Variants in TRPS1 observed in about 807,000 individuals in gnomAD.
TRPS1 encodes transcriptional repressor GATA binding 1.
Under a neutral mutation model 101.2 loss-of-function variants are expected in TRPS1, and 6 were observed. The ratio of observed to expected loss-of-function variants is 0.06; its 90% CI spans 0.03 to 0.12. TRPS1 has a LOEUF of 0.12. Ranked by LOEUF, TRPS1 falls within the 10% of genes least tolerant of loss-of-function variation. The pLI is 1.00. For missense variants in TRPS1, 1,363 were observed against 1,567.0 expected (o/e 0.87, Z 2.20); for synonymous variants, 578 against 589.8 (o/e 0.98, Z 0.29).
chr8:115,457,516 A>G (rs1814060480), intron 5 of TRPS1, among the ~76,000 whole-genome samples: 4 of 152,158 alleles, frequency 2.6e-5, no homozygotes, highest in Admixed American at 2.6e-4. Flanking sequence ...AGAAGATCAG[A>G]GTTCTGGAGA....
rs142710249 is a variant in TRPS1, at chr8:115,585,624, A to G, written c.2700+1377T>C. On this transcript the variant is annotated intron_variant, in intron 5 of 6. Coordinates refer to ENST00000395715, the MANE Select transcript of TRPS1 (RefSeq NM_014112.5). ...ATGACATGCTGAGAAAACAACAAAT[A>G]TTGACAATGATAAAAATGCAGCTCC... Among the ~76,000 whole-genome samples, 1,293 of 152,292 alleles carry G rather than the reference A, an allele frequency of 8.5e-3. 9 individuals carry two copies. Among genetic ancestry groups the G allele is most frequent in the South Asian group, 0.034 (163 of 4,830 alleles).
chr8:115,566,696 A>C (rs958293251), intron 5 of TRPS1, among the ~76,000 whole-genome samples: 3 of 152,234 alleles, frequency 2.0e-5, no homozygotes, highest in Admixed American at 6.5e-5. Context: ...GGCAACTTCA[A>C]CCTCTATCTG....
chr8:115,615,902 T>C (rs976545598), intron 3 of TRPS1, among the ~76,000 whole-genome samples: 6 of 152,248 alleles, frequency 3.9e-5, no homozygotes, highest in South Asian at 4.1e-4. Context: ...TAACCAATCA[T>C]GCTGCATCTA....
rs1181430603 is a variant in TRPS1 at position 115,604,437 on chromosome 8, G to A, written c.1532C>T (p.Thr511Ile). Reference protein sequence around the residue: ...KSSEGETMTKTDKSSSGAKKK... With the variant: ...KSSEGETMTKIDKSSSGAKKK... ...TTTAGCCCCACTCGAGCTCTTGTCT[G>A]TCTTGGTCATTGTCTCTCCTTCTGA... Residue 511 changes from threonine (T) to isoleucine (I), a missense_variant, in exon 4 of 7, where the codon ACA becomes ATA. By Grantham distance (89) the Thr-to-Ile change is moderately conservative. Transcript: ENST00000395715. This position sits in a 1 kb window ranked among gnomAD's most constrained non-coding sequence, Gnocchi z 4.1. The A allele has an allele frequency of 1.2e-6, 2 of 1,613,936 alleles. No individual in the cohort carries two copies. Among genetic ancestry groups the A allele is most frequent in the African/African-American group, 2.7e-5 (2 of 74,904 alleles).
intron 5 of TRPS1, among the ~76,000 whole-genome samples, chr8:115,523,192 GA>G (rs1385950747): frequency 6.6e-5 from 10 of 152,104 alleles, no homozygotes; most frequent in Non-Finnish European, 8.8e-5. Context: ...AAATATATAA[GA>G]ATTGTAAAGG....
chr8:115,666,688 A>G (rs1474279139), intron 1 of TRPS1, among the ~76,000 whole-genome samples: 1 of 152,218 alleles, frequency 6.6e-6, no homozygotes, highest in African/African-American at 2.4e-5. Flanking sequence ...AGCAAGATCC[A>G]TAGGTTTTAG....
chr8:115,460,769 C>A (rs1433949592), intron 5 of TRPS1, among the ~76,000 whole-genome samples: 1 of 152,134 alleles, frequency 6.6e-6, no homozygotes, highest in African/African-American at 2.4e-5. Flanking sequence ...ACCAAACTTT[C>A]CTCCTTGCCA....
At chr8:115,465,161 C>T (rs1009700693) in intron 5 of TRPS1, among the ~76,000 whole-genome samples, 1 of 151,932 alleles carries the variant, frequency 6.6e-6, no homozygotes. Context: ...CCAAAGGACA[C>T]GAGAACACAA....
At chr8:115,437,992 T>G (rs1014697199) in intron 5 of TRPS1, among the ~76,000 whole-genome samples, 1 of 152,216 alleles carries the variant, frequency 6.6e-6, no homozygotes, top group Non-Finnish European at 1.5e-5. Context: ...TATGAGGTTA[T>G]TAAGGCTAAA....
intron 5 of TRPS1, among the ~76,000 whole-genome samples, chr8:115,499,300 C>T (rs1177709924): frequency 2.6e-5 from 4 of 152,072 alleles, no homozygotes; most frequent in Non-Finnish European, 2.9e-5. Context: ...GATATATGCA[C>T]ATTATGGATG....
At chr8:115,482,878 C>G (rs1350856573) in intron 5 of TRPS1, among the ~76,000 whole-genome samples, 1 of 152,108 alleles carries the variant, frequency 6.6e-6, no homozygotes, top group African/African-American at 2.4e-5. Context: ...TGGGAAAACC[C>G]ACAAAGAAAA....
At chr8:115,430,150 G>C (rs949473667) in intron 5 of TRPS1, among the ~76,000 whole-genome samples, 1 of 152,048 alleles carries the variant, frequency 6.6e-6, no homozygotes, top group African/African-American at 2.4e-5. Context: ...TTGTGACAAG[G>C]TACAAACTTA....
At chr8:115,421,454 T>G (rs773067848) in intron 5 of TRPS1, among the ~76,000 whole-genome samples, 10 of 152,208 alleles carry the variant, frequency 6.6e-5, no homozygotes, top group Non-Finnish European at 1.5e-4. Flanking sequence ...TGAGAGATGC[T>G]TAAAGCATAT....
rs1586321350 is a variant in TRPS1, at chr8:115,485,435, C to T, written c.2701-66983G>A. ...CAGTCATGCTGTGCCCAGTCTCCTG[C>T]CCTACAAAAAACTGTGAGATAATTA... On this transcript the variant is annotated intron_variant, in intron 5 of 6. Coordinates refer to ENST00000395715, the MANE Select transcript of TRPS1 (RefSeq NM_014112.5). 3.9e-5 allele frequency among the ~76,000 whole-genome samples: 6 copies of T among 152,262 alleles called. No homozygotes were observed. In the South Asian group the frequency reaches 1.0e-3, roughly 26 times the overall value.
At chr8:115,480,268 C>G (rs1042834742) in intron 5 of TRPS1, among the ~76,000 whole-genome samples, 1 of 152,070 alleles carries the variant, frequency 6.6e-6, no homozygotes, top group Non-Finnish European at 1.5e-5. Flanking sequence ...AAATACCATA[C>G]AAAACACCTA....
At chr8:115,490,731 A>C (rs953862675) in intron 5 of TRPS1, among the ~76,000 whole-genome samples, 3 of 152,162 alleles carry the variant, frequency 2.0e-5, no homozygotes, top group Non-Finnish European at 2.9e-5. Context: ...TGAAATTTGA[A>C]ACAGTGATTA....
chr8:115,435,491 C>T (rs1813425126), intron 5 of TRPS1, among the ~76,000 whole-genome samples: 1 of 152,040 alleles, frequency 6.6e-6, no homozygotes, highest in Non-Finnish European at 1.5e-5. Flanking sequence ...CCCACGAGGT[C>T]CTCAGGGAAG....
chr8:115,533,032 T>C (rs1030004983), intron 5 of TRPS1, among the ~76,000 whole-genome samples: 2 of 151,930 alleles, frequency 1.3e-5, no homozygotes, highest in African/African-American at 2.4e-5. Flanking sequence ...ACCAAAGGAG[T>C]GAAACAGAAG....
chr8:115,552,658 G>T (rs1481444451), intron 5 of TRPS1, among the ~76,000 whole-genome samples: 2 of 151,954 alleles, frequency 1.3e-5, no homozygotes, highest in African/African-American at 4.8e-5. Context: ...AACTTCCTTG[G>T]TAACTTAACT....
Sources: allele counts gnomAD v4.1 joint callset (sites outside exome capture counted in the v4.1 genomes callset), GRCh38; gene constraint gnomAD v4.1.1; non-coding constraint Gnocchi (gnomAD v3.1); transcripts MANE v1.5; gene names NCBI Gene and HGNC (gene_info 2026-07-23, HGNC 2026-07-21).